The following MAN2B2 variants were observed in gnomAD, a reference collection of about 807,000 sequenced individuals.
MAN2B2 encodes the protein epididymis-specific alpha-mannosidase.
In MAN2B2, 106 loss-of-function variants were observed where a neutral mutation model predicts 117.1. That is an observed-to-expected ratio of 0.90 (90% CI 0.77 to 1.06). The LOEUF (loss-of-function observed/expected upper bound fraction) is 1.06, where lower values mean the gene tolerates loss of function less well. Ranked by LOEUF, MAN2B2 falls within the 50% of genes least tolerant of loss-of-function variation. The probability of loss-of-function intolerance (pLI) is 0.00; values close to 1 mark genes in which losing one functional copy is unlikely to be tolerated. For missense variants in MAN2B2, 1,326 were observed against 1,381.4 expected, an observed-to-expected ratio of 0.96 and a Z score of 0.64; for synonymous variants, 544 against 595.1, an observed-to-expected ratio of 0.91 and a Z score of 1.25.
At chr4:6,617,314 A>C in intron 16 of MAN2B2, 66 bp from the exon 17 acceptor site, 1 of 1,242,492 alleles carries the variant, frequency 8.0e-7, no homozygotes, top group Non-Finnish European at 1.2e-6. Flanking sequence ...AGCAGCGGGT[A>C]TAGACCAGGG....
chr4:6,596,708 C>T (rs1310113622), intron 7 of MAN2B2, among the ~76,000 whole-genome samples: 2 of 152,198 alleles, frequency 1.3e-5, no homozygotes, highest in South Asian at 2.1e-4. Context: ...TCTGTGCAGT[C>T]TAGGCCCTTC....
Position 6,614,349 on chromosome 4 carries a change from CG to C in MAN2B2, c.2697del (p.Gly901AlafsTer33). On this transcript the variant is annotated frameshift_variant, in exon 16 of 19. Coordinates refer to ENST00000285599, the MANE Select transcript of MAN2B2 (RefSeq NM_015274.3). LOFTEE classifies it high-confidence loss of function. ...CCACACGGAGCACTCTCAGAATCTCCGGAAAGGTGAGGCAGGTGCCCTGGCG... is the reference window on the plus strand; with the variant it reads ...CCACACGGAGCACTCTCAGAATCTCCGAAAGGTGAGGCAGGTGCCCTGGCG... ...SNHTEHSQNLRKGHRGEAQAD... is the reference protein window; with the variant it reads ...SNHTEHSQNLXKGHRGEAQAD... 6.2e-7 allele frequency: 1 copy of C among 1,613,672 alleles called. No individual in the cohort carries two copies. The highest frequency in any genetic ancestry group is 2.2e-5 in the East Asian group (1 of 44,870).
At chr4:6,598,109 T>G in intron 8 of MAN2B2, 89 bp from the exon 9 acceptor site, 36 of 1,438,962 alleles carry the variant, frequency 2.5e-5, no homozygotes, top group Middle Eastern at 1.8e-4. Context: ...CAAGCCAGAA[T>G]GAGAGCCAGC....
At chr4:6,607,530 G>C (rs1489596522) in intron 11 of MAN2B2, among the ~76,000 whole-genome samples, 3 of 152,182 alleles carry the variant, frequency 2.0e-5, no homozygotes, top group Non-Finnish European at 2.9e-5. Context: ...ATGTTTTCAA[G>C]GTTCATCAGT....
intron 3 of MAN2B2, among the ~76,000 whole-genome samples, chr4:6,580,654 T>TC (rs1449866084): frequency 6.6e-6 from 1 of 152,060 alleles, no homozygotes; most frequent in Non-Finnish European, 1.5e-5. Flanking sequence ...CTGTGTCACC[T>TC]CCCCACTTAA....
At chr4:6,610,106 T>G (rs1409375036) in intron 13 of MAN2B2, 56 bp downstream of exon 13, 1 of 1,598,220 alleles carries the variant, frequency 6.3e-7, no homozygotes, top group Admixed American at 1.7e-5. Context: ...CCTGGACCCA[T>G]TAAGCATCAA....
chr4:6,600,545 A>G, intron 9 of MAN2B2, 78 bp from the exon 10 acceptor site: 2 of 1,543,168 alleles, frequency 1.3e-6, no homozygotes, highest in Non-Finnish European at 1.8e-6. Context: ...TTTCCCTCAT[A>G]CTGAGGTGCA....
chr4:6,603,635 G>A (rs115187260), intron 10 of MAN2B2, among the ~76,000 whole-genome samples: 2,919 of 152,276 alleles, frequency 0.019, 33 homozygotes, highest in African/African-American at 0.033. Flanking sequence ...TGTTCTAGGC[G>A]CTGGGGATGG....
At chr4:6,585,879 C>T (rs977614455) in intron 3 of MAN2B2, among the ~76,000 whole-genome samples, 4 of 152,144 alleles carry the variant, frequency 2.6e-5, no homozygotes, top group African/African-American at 9.7e-5. Flanking sequence ...GGAGAGCAGG[C>T]AAGGGCAGCC....
Position 6,605,079 on chromosome 4 carries a change from T to C in MAN2B2, c.1564T>C (p.Ser522Pro), listed in dbSNP as rs1329111019. 20 of 1,613,584 alleles carry C rather than the reference T, an allele frequency of 1.2e-5. No homozygotes were observed. Among genetic ancestry groups the C allele is most frequent in the Non-Finnish European group, 1.4e-5 (16 of 1,179,696 alleles). ...GATCCAGAACTCAACAGAGACCCCA[T>C]CTGCGTATGACCTGCTTATTCTGAC... Reference protein sequence around the residue: ...SQIQNSTETPSAYDLLILTTI... With the variant: ...SQIQNSTETPPAYDLLILTTI... Residue 522 changes from serine (S) to proline (P), a missense_variant, in exon 11 of 19, where the codon TCT (serine) becomes CCT (proline). Transcript: ENST00000285599.
rs1726675208 is a variant in MAN2B2, at chr4:6,587,287, G to A, written c.564+119G>A. On this transcript the variant is annotated intron_variant, in intron 4 of 18. Coordinates refer to ENST00000285599, the MANE Select transcript of MAN2B2 (RefSeq NM_015274.3). ...AAGTGTTCGGAAATTCTTGGCAGCT[G>A]CATAGACCGCGGGGCTGTCCCCTAA... The A allele has an allele frequency of 8.0e-6, 10 of 1,257,574 alleles. 1 individual carries two copies. The South Asian group carries it at 9.1e-5, about 11-fold the overall frequency. The allele number at this position is 1,257,574 out of a possible 1,614,324, so 77.9% of individuals were successfully genotyped here.
At chr4:6,598,157 G>A in intron 8 of MAN2B2, 41 bp from the exon 9 acceptor site, 1 of 1,602,642 alleles carries the variant, frequency 6.2e-7, no homozygotes, top group Non-Finnish European at 8.5e-7. Flanking sequence ...GCAGAGTCAG[G>A]TCCTGATCCT....
At chr4:6,591,784 G>T (rs1173889096) in intron 5 of MAN2B2, among the ~76,000 whole-genome samples, 1 of 152,070 alleles carries the variant, frequency 6.6e-6, no homozygotes, top group Non-Finnish European at 1.5e-5. Context: ...CATGGACCAG[G>T]ACCCCCCGGG....
rs1212236961 is a variant in MAN2B2 at position 6,614,289 on chromosome 4, A to G, written c.2635A>G (p.Ile879Val). 7 of 1,614,144 alleles carry G rather than the reference A, an allele frequency of 4.3e-6. No homozygotes were observed. The highest frequency in any genetic ancestry group is 5.9e-6 in the Non-Finnish European group (7 of 1,180,004). Residue 879 changes from isoleucine (I) to valine (V), a missense_variant, in exon 16 of 19, where the codon ATC becomes GTC. Ile to Val is a conservative substitution (Grantham distance 29). Coordinates refer to ENST00000285599, the MANE Select transcript of MAN2B2 (RefSeq NM_015274.3). ...GCTGCCCCCGAATCTTCACCTGCAG[A>G]TCCTGAGCATCCCTGGCTGGCGCTA... ...VTLPPNLHLQ[I>V]LSIPGWRYSS...
chr4:6,597,266 T>C lies in MAN2B2; in HGVS notation c.1211T>C (p.Leu404Pro), dbSNP rs772673815. ...GGGCATCTGGACCCCACCTGGGCCC[T>C]GCAGCAGCTCCAGCAGCTTCGCTGG... ...PRGHLDPTWALQQLQQLRWAV... is the reference protein window; with the variant it reads ...PRGHLDPTWAPQQLQQLRWAV... Residue 404 changes from leucine to proline, a missense_variant, in exon 8 of 19, where the codon CTG (leucine) becomes CCG (proline). Coordinates refer to ENST00000285599, the MANE Select transcript of MAN2B2 (RefSeq NM_015274.3). 69 of 1,578,400 alleles carry C rather than the reference T, an allele frequency of 4.4e-5. No individual in the cohort carries two copies. In the Middle Eastern group the frequency reaches 1.2e-3, roughly 27 times the overall value.
chr4:6,609,449 G>A (rs1727680427), intron 12 of MAN2B2, 151 bp downstream of exon 12: 1 of 770,084 alleles, frequency 1.3e-6, no homozygotes, highest in African/African-American at 1.8e-5. Context: ...TTGCTCTGGT[G>A]TCTGCATGCT....
rs140604370 is a variant in MAN2B2 at position 6,609,854 on chromosome 4, C to T, written c.2063C>T (p.Pro688Leu). ...YAIRSRLTHV[P>L]QGHDGELLCH... ...ATCCGCTCCCGGCTCACCCATGTGC[C>T]GCAGGGCCATGACGGGGAGCTGCTC... The change falls in exon 13 of 19, where the codon CCG becomes CTG. Residue 688 changes from proline (P) to leucine (L), a missense_variant. Pro to Leu is a moderately conservative substitution (Grantham distance 98). Coordinates refer to ENST00000285599, the MANE Select transcript of MAN2B2 (RefSeq NM_015274.3). 72 of 1,613,974 alleles carry T rather than the reference C, an allele frequency of 4.5e-5. No individual in the cohort carries two copies. The highest frequency in any genetic ancestry group is 1.2e-4 in the Admixed American group (7 of 60,010).
chr4:6,618,848 C>CTCTTT (rs1712023176), intron 17 of MAN2B2: 1 of 152,288 alleles, frequency 6.6e-6, no homozygotes, highest in Admixed American at 6.5e-5. Flanking sequence ...ACTGGGCCAC[C>CTCTTT]CACCTCCTCT....
intron 5 of MAN2B2, among the ~76,000 whole-genome samples, chr4:6,591,283 G>A (rs1390684855): frequency 6.6e-6 from 1 of 152,220 alleles, no homozygotes; most frequent in East Asian, 1.9e-4. Context: ...TGGTGAGGGA[G>A]GGGTCCTCAC....
Sources: allele counts gnomAD v4.1 joint callset (sites outside exome capture counted in the v4.1 genomes callset), GRCh38; gene constraint gnomAD v4.1.1; transcripts MANE v1.5; gene names NCBI Gene and HGNC (gene_info 2026-07-23, HGNC 2026-07-21).